NUP214: variants seen among roughly 807,000 people sequenced by gnomAD.
NUP214 encodes nuclear pore complex protein Nup214.
A neutral mutation model predicts 196.2 loss-of-function variants in NUP214; 79 were observed. That is an observed-to-expected ratio of 0.40 (90% CI 0.34 to 0.49). The LOEUF (loss-of-function observed/expected upper bound fraction) is 0.49. NUP214 is among the 20% of genes least tolerant of loss of function. NUP214 has a pLI of 0.58. For synonymous variants in NUP214, 1,020 were observed against 990.5 expected, an observed-to-expected ratio of 1.03 and a Z score of -0.56; for missense variants, 2,468 against 2,539.0, an observed-to-expected ratio of 0.97 and a Z score of 0.60.
At chr9:131,215,392 G>C in intron 31 of NUP214, 24 bp downstream of exon 31, 1 of 1,534,286 alleles carries the variant, frequency 6.5e-7, no homozygotes, top group Non-Finnish European at 8.8e-7. Flanking sequence ...ACTTTTCCCA[G>C]TCCCTTGGTC....
intron 21 of NUP214, among the ~76,000 whole-genome samples, chr9:131,170,947 AG>A (rs1437915132): frequency 1.1e-4 from 17 of 152,112 alleles, no homozygotes; most frequent in African/African-American, 4.1e-4. Flanking sequence ...GCATCTACTG[AG>A]ATGATCATAT....
chr9:131,141,462 C>A (rs1045084033), intron 11 of NUP214, among the ~76,000 whole-genome samples: 1 of 149,042 alleles, frequency 6.7e-6, no homozygotes, highest in Admixed American at 6.7e-5. Context: ...ACATTTGTAT[C>A]ACTTGTGAAA....
chr9:131,173,149 C>G (rs758714462), intron 21 of NUP214, among the ~76,000 whole-genome samples: 4 of 152,090 alleles, frequency 2.6e-5, no homozygotes, highest in Non-Finnish European at 4.4e-5. Flanking sequence ...CTCCACCTGC[C>G]GGGTTCAAGC....
intron 30 of NUP214, among the ~76,000 whole-genome samples, chr9:131,208,888 C>G (rs1000708694): frequency 6.6e-6 from 1 of 150,902 alleles, no homozygotes; most frequent in Admixed American, 6.6e-5. Context: ...TGAAGCTCGC[C>G]GGTAGTCCCA....
chr9:131,131,608 G>A (rs1460218218), intron 5 of NUP214, among the ~76,000 whole-genome samples: 1 of 152,112 alleles, frequency 6.6e-6, no homozygotes, highest in Non-Finnish European at 1.5e-5. Flanking sequence ...TAATCTTTTA[G>A]GACACTAACC....
intron 31 of NUP214, among the ~76,000 whole-genome samples, chr9:131,221,085 G>T (rs1834542454): frequency 1.3e-5 from 2 of 152,226 alleles, no homozygotes; most frequent in African/African-American, 4.8e-5. Flanking sequence ...TGAGAAGCCT[G>T]TTTTCATCTC....
intron 6 of NUP214, 80 bp downstream of exon 6, chr9:131,132,739 C>T (rs747037061): frequency 8.4e-7 from 1 of 1,185,216 alleles, no homozygotes; most frequent in African/African-American, 1.5e-5. Context: ...ATGTAATGTA[C>T]CTGCTCAGTG....
intron 23 of NUP214, 119 bp from the exon 24 acceptor site, chr9:131,178,192 C>T: frequency 1.4e-6 from 1 of 699,056 alleles, no homozygotes; most frequent in Non-Finnish European, 2.5e-6. Flanking sequence ...AGATTTCCTT[C>T]ACATGATAAG....
At position 131,198,652 on chromosome 9, in the gene NUP214, G is replaced by A. The variant is rs141716362; in HGVS notation, c.5158G>A (p.Val1720Ile). The change falls in exon 29 of 36, where the codon GTC becomes ATC. Residue 1720 changes from valine to isoleucine, a missense_variant. Val to Ile is a conservative substitution (Grantham distance 29, BLOSUM62 3). Around this residue, in one of 5 missense-constraint regions of NUP214, gnomAD observed 1,801 missense variants for 1,779.4 expected, o/e 1.01. Transcript: ENST00000359428. ...AGCTTTTGGTACCACAGCCCCAGGG[G>A]TCTTTGGACAGACAACCTTCGGGCA... is the stretch of plus-strand genomic sequence containing the variant. ...SPAFGTTAPG[V>I]FGQTTFGQAS... The A allele has an allele frequency of 2.7e-5, 43 of 1,614,114 alleles. No homozygotes were observed. The highest frequency in any genetic ancestry group is 3.4e-5 in the Non-Finnish European group (40 of 1,180,038).
intron 33 of NUP214, 181 bp downstream of exon 33, chr9:131,228,512 A>G (rs556500460): frequency 7.4e-6 from 4 of 544,018 alleles, no homozygotes; most frequent in Admixed American, 4.3e-5. Flanking sequence ...CGTTCAAGCC[A>G]GGCTTTGTTG....
rs981351919 is a variant in NUP214 at position 131,218,884 on chromosome 9, T to C, written c.5749+3516T>C. Among the ~76,000 whole-genome samples, 3 of 152,258 alleles carry C rather than the reference T, an allele frequency of 2.0e-5. No homozygotes were observed. In the East Asian group the frequency reaches 5.8e-4, roughly 29 times the overall value. Reference sequence around the variant, plus strand: ...TTCCTTCTGGTTTGGTCAGTTTGTCTGCTTGCATCCCTCCCTCACTTCCTC... The same window carrying C: ...TTCCTTCTGGTTTGGTCAGTTTGTCCGCTTGCATCCCTCCCTCACTTCCTC... On this transcript the variant is annotated intron_variant, in intron 31 of 35. Coordinates refer to ENST00000359428, the MANE Select transcript of NUP214 (RefSeq NM_005085.4).
intron 11 of NUP214, among the ~76,000 whole-genome samples, chr9:131,143,329 CTT>C (rs778325832): frequency 2.0e-5 from 3 of 150,738 alleles, no homozygotes; most frequent in Non-Finnish European, 4.4e-5. Flanking sequence ...TTTTTTTTTT[CTT>C]TTTAACCATT....
chr9:131,234,552 G>C lies in NUP214; in HGVS notation c.*1065G>C. The C allele has an allele frequency of 4.3e-6, 1 of 232,108 alleles. No homozygotes were observed. Among genetic ancestry groups the C allele is most frequent in the Non-Finnish European group, 8.5e-6 (1 of 117,416 alleles). The allele number at this position is 232,108 out of a possible 1,614,324, so 14.4% of individuals were successfully genotyped here. A position where few individuals can be genotyped will look rare whatever the true frequency, so the allele number is the denominator to read the frequency against. Reference sequence around the variant, plus strand: ...CAGGCCCAGAATCTGACAGTGCTTTGGCTTGGGTCATGAGCAGCGGGGAGT... The same window carrying C: ...CAGGCCCAGAATCTGACAGTGCTTTCGCTTGGGTCATGAGCAGCGGGGAGT... On this transcript the variant is annotated 3_prime_UTR_variant, in exon 36 of 36. Transcript: ENST00000359428.
At position 131,164,052 on chromosome 9, in the gene NUP214, T is replaced by C. The variant is rs1325435195; in HGVS notation, c.2810-9T>C. ...CTTAATCATTTATGGGTTTATGGAT[T>C]TCTTGCAGCCAAACTGTCCCCCATG... On this transcript the variant is annotated splice_polypyrimidine_tract_variant and intron_variant, in intron 20 of 35. Transcript: ENST00000359428. 51 of 1,614,164 alleles carry C rather than the reference T, an allele frequency of 3.2e-5. No homozygotes were observed. The highest frequency in any genetic ancestry group is 4.3e-5 in the Non-Finnish European group (51 of 1,180,030).
chr9:131,212,481 C>T (rs1010226807), intron 30 of NUP214, among the ~76,000 whole-genome samples: 30 of 152,328 alleles, frequency 2.0e-4, no homozygotes, highest in Middle Eastern at 6.8e-3. Context: ...GATGTCTCCC[C>T]TGGACACCCA....
chr9:131,162,502 T>G (rs916120833), intron 18 of NUP214, among the ~76,000 whole-genome samples: 8 of 152,224 alleles, frequency 5.3e-5, no homozygotes, highest in Admixed American at 4.6e-4. Flanking sequence ...TTTTAGTTCT[T>G]TTGGGCAGGT....
intron 30 of NUP214, among the ~76,000 whole-genome samples, chr9:131,204,949 A>G: frequency 6.6e-6 from 1 of 152,244 alleles, no homozygotes; most frequent in East Asian, 1.9e-4. Context: ...CAGACTTTTC[A>G]GCAATGACCA....
At chr9:131,147,623 A>G (rs774221228) in intron 14 of NUP214, 39 bp downstream of exon 14, 66 of 1,392,808 alleles carry the variant, frequency 4.7e-5, no homozygotes, top group Non-Finnish European at 5.9e-5. Flanking sequence ...GTGTTTATTA[A>G]TTTACTGCCC....
intron 5 of NUP214, among the ~76,000 whole-genome samples, chr9:131,132,114 TC>T (rs1277829211): frequency 8.1e-5 from 5 of 61,606 alleles, no homozygotes; most frequent in Non-Finnish European, 1.6e-4. Context: ...TCTTTTCTTT[TC>T]TTTCTTTTTT....
Sources: gnomAD v4.1 joint callset for allele counts (sites outside exome capture counted in the v4.1 genomes callset) on GRCh38, gnomAD v4.1.1 for gene constraint, gnomAD v4.1.1 regional missense constraint, MANE v1.5 for transcripts, NCBI Gene and HGNC (gene_info 2026-07-23, HGNC 2026-07-21) for gene names.